The following RBFOX1 variants were observed in gnomAD, a reference collection of about 807,000 sequenced individuals.
RBFOX1 encodes RNA binding protein fox-1 homolog 1.
In RBFOX1, 8 loss-of-function variants were observed where a neutral mutation model predicts 57.7. The ratio of observed to expected loss-of-function variants is 0.14; its 90% CI spans 0.08 to 0.25. The LOEUF (loss-of-function observed/expected upper bound fraction) is 0.25, where lower values mean the gene tolerates loss of function less well. RBFOX1 is among the 10% of genes least tolerant of loss of function. RBFOX1 has a pLI of 1.00. For synonymous variants in RBFOX1, 326 were observed against 222.4 expected (o/e 1.47, Z -4.15); for missense variants, 611 against 548.5 (o/e 1.11, Z -1.14).
chr16:6,984,760 C>T lies in RBFOX1; in HGVS notation c.-15-67297C>T, dbSNP rs549750760. Among the ~76,000 whole-genome samples, 70 of 152,248 alleles carry T rather than the reference C, an allele frequency of 4.6e-4. 2 individuals carry two copies. The South Asian group carries it at 0.014, about 30-fold the overall frequency. On this transcript the variant is annotated intron_variant, in intron 3 of 15. Coordinates refer to ENST00000550418, the MANE Select transcript of RBFOX1 (RefSeq NM_018723.4). Reference sequence around the variant, plus strand: ...GGTTCATGAAATTCTCCTGCCTCAGCCTCCTGAGTAGCTAAGATTAGAGGT... The same window carrying T: ...GGTTCATGAAATTCTCCTGCCTCAGTCTCCTGAGTAGCTAAGATTAGAGGT...
chr16:6,214,565 AG>A (rs1415327656), intron 1 of RBFOX1, among the ~76,000 whole-genome samples: 9 of 69,042 alleles, frequency 1.3e-4, no homozygotes, highest in South Asian at 6.8e-4. Context: ...GGGGAGAGGG[AG>A]GGGGGAGAGG....
At chr16:6,914,793 C>G (rs1205060600) in intron 3 of RBFOX1, among the ~76,000 whole-genome samples, 1 of 152,136 alleles carries the variant, frequency 6.6e-6, no homozygotes, top group Non-Finnish European at 1.5e-5. Context: ...GAGGCAGAAA[C>G]AACAAGATCG....
At chr16:7,642,934 C>T (rs1205148659) in intron 11 of RBFOX1, among the ~76,000 whole-genome samples, 10 of 152,128 alleles carry the variant, frequency 6.6e-5, no homozygotes, top group African/African-American at 9.7e-5. Context: ...TCCTGCCCGG[C>T]GGGGGAAATT....
intron 3 of RBFOX1, among the ~76,000 whole-genome samples, chr16:5,769,621 C>G (rs913756675): frequency 6.6e-6 from 1 of 152,012 alleles, no homozygotes; most frequent in African/African-American, 2.4e-5. Context: ...CCATTGGAAT[C>G]TAGTCTGGGC....
chr16:6,510,048 A>G (rs577063190), intron 2 of RBFOX1, among the ~76,000 whole-genome samples: 4 of 152,316 alleles, frequency 2.6e-5, no homozygotes, highest in African/African-American at 9.6e-5. Context: ...AAGCAGCTTC[A>G]TATCAGGCTC....
chr16:5,386,035 C>G (rs749727155), intron 1 of RBFOX1, among the ~76,000 whole-genome samples: 8 of 151,846 alleles, frequency 5.3e-5, no homozygotes, highest in African/African-American at 1.9e-4. Flanking sequence ...TTCACGTTGC[C>G]TAGGGAAGGG....
rs1165543707 is a variant in RBFOX1, at chr16:6,780,449, TAC to T, written c.-16+125801_-16+125802del. Reference sequence around the variant, plus strand: ...ATATATTTATAGATATATTTATATATACATTTTTATATATATTTATATACATT... The same window carrying T: ...ATATATTTATAGATATATTTATATATATTTTTATATATATTTATATACATT... On this transcript the variant is annotated intron_variant, in intron 3 of 15. Coordinates refer to ENST00000550418, the MANE Select transcript of RBFOX1 (RefSeq NM_018723.4). 1.6e-3 allele frequency among the ~76,000 whole-genome samples: 162 copies of T among 99,304 alleles called. 2 individuals carry two copies. Among genetic ancestry groups the T allele is most frequent in the African/African-American group, 4.8e-3 (116 of 24,170 alleles). 65.1% of individuals were successfully genotyped at this position (99,304 alleles called of 152,430 possible).
chr16:5,902,790 G>A (rs1041883673), intron 4 of RBFOX1, among the ~76,000 whole-genome samples: 9 of 151,944 alleles, frequency 5.9e-5, no homozygotes, highest in Non-Finnish European at 1.0e-4. Context: ...GATTCCAAGC[G>A]CCTTGTCTGG....
chr16:6,570,534 A>T (rs899414034), intron 2 of RBFOX1, among the ~76,000 whole-genome samples: 1 of 152,222 alleles, frequency 6.6e-6, no homozygotes, highest in African/African-American at 2.4e-5. Context: ...CATATAAAAT[A>T]TAATTTATAC....
At chr16:7,494,311 G>C (rs555164628) in intron 4 of RBFOX1, among the ~76,000 whole-genome samples, 3 of 152,096 alleles carry the variant, frequency 2.0e-5, no homozygotes, top group Non-Finnish European at 4.4e-5. Context: ...TTTTAAAGGC[G>C]CCCTTTGGGG....
At chr16:7,558,372 A>T (rs879625345) in intron 5 of RBFOX1, among the ~76,000 whole-genome samples, 1 of 152,024 alleles carries the variant, frequency 6.6e-6, no homozygotes, top group Non-Finnish European at 1.5e-5. Context: ...ACATACATAT[A>T]TATATACACG....
At chr16:6,780,709 C>T (rs1603622662) in intron 3 of RBFOX1, among the ~76,000 whole-genome samples, 1 of 150,300 alleles carries the variant, frequency 6.7e-6, no homozygotes, top group East Asian at 2.0e-4. Flanking sequence ...TGAGATATTT[C>T]ATTACAATTT....
rs151179815 is a variant in RBFOX1 at position 5,340,985 on chromosome 16, G to C, written c.219+100880G>C. Among the ~76,000 whole-genome samples, 7 of 152,266 alleles carry C rather than the reference G, an allele frequency of 4.6e-5. 1 individual carries two copies. Among genetic ancestry groups the C allele is most frequent in the African/African-American group, 1.7e-4 (7 of 41,536 alleles). ...CTCAAAAAGATGACATTTAAGCAGT[G>C]ACCTGTGTGATATGAGGGAGCTGAA... On this transcript the variant is annotated intron_variant, in intron 1 of 2. Transcript: ENST00000585867.
chr16:5,284,707 C>T (rs1253518965), intron 1 of RBFOX1, among the ~76,000 whole-genome samples: 4 of 134,398 alleles, frequency 3.0e-5, no homozygotes, highest in African/African-American at 1.1e-4. Flanking sequence ...GTGCCAGGCT[C>T]CTTCATTTTT....
Position 6,456,426 on chromosome 16 carries a change from A to G in RBFOX1, c.-64+139369A>G, listed in dbSNP as rs143991641. Among the ~76,000 whole-genome samples, 97 of 152,260 alleles carry G rather than the reference A, an allele frequency of 6.4e-4. 1 individual carries two copies. The highest frequency in any genetic ancestry group is 2.1e-3 in the African/African-American group (88 of 41,558). On this transcript the variant is annotated intron_variant, in intron 2 of 15. Transcript: ENST00000550418. ...TGGGCTCAAGCAATATTCCCATCTCAGCCTCTAGAGTGGCTGCGATTATTC... is the reference window on the plus strand; with the variant it reads ...TGGGCTCAAGCAATATTCCCATCTCGGCCTCTAGAGTGGCTGCGATTATTC...
rs1012862347 is a variant in RBFOX1 at position 7,457,274 on chromosome 16, T to C, written c.28-60873T>C. Among the ~76,000 whole-genome samples the C allele has an allele frequency of 5.3e-5, 8 of 152,232 alleles. No homozygotes were observed. In the East Asian group the frequency reaches 1.6e-3, roughly 30 times the overall value. On this transcript the variant is annotated intron_variant, in intron 4 of 15. Coordinates refer to ENST00000550418, the MANE Select transcript of RBFOX1 (RefSeq NM_018723.4). Reference sequence around the variant, plus strand: ...TCCAGGAGGTCACACAGTTGACTGTTGTGTCATGGAATAGCAAACACTATC... The same window carrying C: ...TCCAGGAGGTCACACAGTTGACTGTCGTGTCATGGAATAGCAAACACTATC...
intron 3 of RBFOX1, among the ~76,000 whole-genome samples, chr16:5,856,881 AG>A (rs955702231): frequency 1.3e-5 from 2 of 151,958 alleles, no homozygotes; most frequent in African/African-American, 4.8e-5. Context: ...ATCATCAGCA[AG>A]GCTGTTTCAC....
chr16:6,307,101 C>G (rs980361490), intron 1 of RBFOX1, among the ~76,000 whole-genome samples: 2 of 152,180 alleles, frequency 1.3e-5, no homozygotes, highest in East Asian at 3.9e-4. Context: ...TGCATTCTGG[C>G]TTTGCTGTTG....
chr16:7,673,276 G>A (rs1240716073), intron 13 of RBFOX1, among the ~76,000 whole-genome samples: 1 of 152,196 alleles, frequency 6.6e-6, no homozygotes, highest in South Asian at 2.1e-4. Context: ...AGGTCCCTCA[G>A]TGTTCATGAA....
Sources: gnomAD v4.1 joint callset for allele counts (sites outside exome capture counted in the v4.1 genomes callset) on GRCh38, gnomAD v4.1.1 for gene constraint, MANE v1.5 for transcripts, NCBI Gene and HGNC (gene_info 2026-07-23, HGNC 2026-07-21) for gene names.